UBR4: variants seen among roughly 807,000 people sequenced by gnomAD.
The protein encoded by UBR4 is ubiquitin protein ligase E3 component n-recognin 4, also known as E3 ubiquitin-protein ligase UBR4.
Under a neutral mutation model 575.6 loss-of-function variants are expected in UBR4, and 124 were observed. The ratio of observed to expected loss-of-function variants is 0.22; its 90% CI spans 0.19 to 0.25. The LOEUF (loss-of-function observed/expected upper bound fraction) is 0.25, where lower values mean the gene tolerates loss of function less well. UBR4 is among the 10% of genes least tolerant of loss of function. The probability of loss-of-function intolerance (pLI) is 1.00; values close to 1 mark genes in which losing one functional copy is unlikely to be tolerated. For synonymous variants in UBR4, 2,455 were observed against 2,473.7 expected, an observed-to-expected ratio of 0.99 and a Z score of 0.22; for missense variants, 4,818 against 6,478.8, an observed-to-expected ratio of 0.74 and a Z score of 8.80.
At position 19,184,192 on chromosome 1, in the gene UBR4, C is replaced by A. The variant is rs771526408; in HGVS notation, c.1939-17G>T. On this transcript the variant is annotated splice_polypyrimidine_tract_variant and intron_variant, in intron 15 of 105. Coordinates refer to ENST00000375254, the MANE Select transcript of UBR4 (RefSeq NM_020765.3). Reference sequence around the variant, plus strand: ...ACCTAAGAACTGAAAGGAACACACACAAAAAAGCTCTTATCAGGGTCATAA... The same window carrying A: ...ACCTAAGAACTGAAAGGAACACACAAAAAAAAGCTCTTATCAGGGTCATAA... 2.1e-5 allele frequency: 33 copies of A among 1,607,900 alleles called. No homozygotes were observed. In the South Asian group the frequency reaches 3.1e-4, roughly 15 times the overall value.
In UBR4 at chr1:19,210,252, C is replaced by T. The variant is rs112584987; in HGVS notation, c.-4G>A. 1.5e-3 allele frequency: 2,111 copies of T among 1,449,006 alleles called. 17 individuals are homozygous for T. The highest frequency in any genetic ancestry group is 0.013 in the African/African-American group (894 of 67,482). The allele number at this position is 1,449,006 out of a possible 1,614,324, so 89.8% of individuals were successfully genotyped here. A position where few individuals can be genotyped will look rare whatever the true frequency, so the allele number is the denominator to read the frequency against. ...CTTCGCCGCCGCTCGTCGCCATCTT[C>T]CGTCGTACTACTGCGGCTCCCTCCG... On this transcript the variant is annotated 5_prime_UTR_variant, in exon 1 of 106. Transcript: ENST00000375254.
chr1:19,144,127 C>A, intron 54 of UBR4, 36 bp from the exon 55 acceptor site: 1 of 1,575,028 alleles, frequency 6.3e-7, no homozygotes, highest in African/African-American at 1.3e-5. Context: ...GCTTTGCTCT[C>A]ATATTATTCA....
At position 19,100,323 on chromosome 1, in the gene UBR4, T is replaced by C; in HGVS notation, c.13221+53A>G. The C allele has an allele frequency of 6.2e-7, 1 of 1,604,444 alleles. No individual in the cohort carries two copies. Among genetic ancestry groups the C allele is most frequent in the Non-Finnish European group, 8.5e-7 (1 of 1,172,892 alleles). On this transcript the variant is annotated intron_variant, in intron 89 of 105. Coordinates refer to ENST00000375254, the MANE Select transcript of UBR4 (RefSeq NM_020765.3). This position sits in a 1 kb window ranked among gnomAD's most constrained non-coding sequence, Gnocchi z 4.2. ...AAGAAGCACCTGGATTTGGTTAGCC[T>C]AGGAGGAAGCCCCTAATCGTAAACG... is the stretch of plus-strand genomic sequence containing the variant.
chr1:19,105,042 G>A lies in UBR4; in HGVS notation c.12645+6C>T. 6.2e-7 allele frequency: 1 copy of A among 1,613,314 alleles called. No homozygotes were observed. The highest frequency in any genetic ancestry group is 8.5e-7 in the Non-Finnish European group (1 of 1,179,558). ...AGGGGCTCTCTTGGGCAATAGGGTA[G>A]GATACCTTGGTGATGAGGTTGCCCA... On this transcript the variant is annotated splice_donor_region_variant and intron_variant, in intron 85 of 105. Coordinates refer to ENST00000375254, the MANE Select transcript of UBR4 (RefSeq NM_020765.3).
At chr1:19,103,895 T>G (rs1041183681) in intron 87 of UBR4, among the ~76,000 whole-genome samples, 189 bp downstream of exon 87, 6 of 152,364 alleles carry the variant, frequency 3.9e-5, no homozygotes. Flanking sequence ...CCAAAGTGAC[T>G]GAGCCCAGCT....
chr1:19,198,133 A>G, intron 5 of UBR4, 84 bp from the exon 6 acceptor site: 1 of 1,271,820 alleles, frequency 7.9e-7, no homozygotes, highest in Non-Finnish European at 1.1e-6. Context: ...CTGCACGGAT[A>G]CTCTCCAGAC....
chr1:19,170,367 C>G (rs1472005451), intron 26 of UBR4, among the ~76,000 whole-genome samples: 1 of 152,218 alleles, frequency 6.6e-6, no homozygotes, highest in Non-Finnish European at 1.5e-5. Context: ...CCACTGTACT[C>G]CAGCCTGGGT....
chr1:19,164,723 G>C, intron 32 of UBR4, 76 bp downstream of exon 32: 1 of 1,548,946 alleles, frequency 6.5e-7, no homozygotes, highest in Non-Finnish European at 8.8e-7. Context: ...ACTGGTGCCC[G>C]AAGGAAAGAT....
intron 1 of UBR4, among the ~76,000 whole-genome samples, chr1:19,204,299 C>T (rs1046379363): frequency 6.6e-6 from 1 of 152,138 alleles, no homozygotes; most frequent in African/African-American, 2.4e-5. Flanking sequence ...CCACGCCTGG[C>T]CCCACCCTTA....
intron 102 of UBR4, 72 bp downstream of exon 102, chr1:19,084,432 C>G (rs1212561666): frequency 1.3e-6 from 2 of 1,481,836 alleles, no homozygotes; most frequent in East Asian, 2.3e-5. Context: ...TATGAAAAAG[C>G]TGAGGGGATC....
chr1:19,194,127 T>C (rs1004154172), intron 8 of UBR4, among the ~76,000 whole-genome samples: 2 of 152,184 alleles, frequency 1.3e-5, no homozygotes, highest in African/African-American at 2.4e-5. Context: ...CATGACACTA[T>C]ACATTTGTCA....
At chr1:19,101,872 G>T (rs2078666328) in intron 87 of UBR4, among the ~76,000 whole-genome samples, 2 of 152,180 alleles carry the variant, frequency 1.3e-5, no homozygotes, top group Non-Finnish European at 2.9e-5. Context: ...ACTTCATCAT[G>T]GTTGGCTGTG....
chr1:19,099,755 C>T (rs879107062), intron 89 of UBR4, 78 bp from the exon 90 acceptor site: 13 of 1,274,332 alleles, frequency 1.0e-5, no homozygotes, highest in African/African-American at 3.0e-5. Flanking sequence ...GGGCACCTTA[C>T]GGCAATGGTT....
rs1029281963 is a variant in UBR4, at chr1:19,195,236, G to A, written c.1019-1679C>T. The stretch of plus-strand genomic sequence containing the variant: ...GCCAAGACTGTGCCACTGAACTCCA[G>A]CCTGGGCGACTGAGCGAGACTCCAT... On this transcript the variant is annotated intron_variant, in intron 8 of 105. Coordinates refer to ENST00000375254, the MANE Select transcript of UBR4 (RefSeq NM_020765.3). Among the ~76,000 whole-genome samples, 3 of 149,588 alleles carry A rather than the reference G, an allele frequency of 2.0e-5. No individual in the cohort carries two copies. The Admixed American group carries it at 2.0e-4, about 10-fold the overall frequency.
intron 39 of UBR4, among the ~76,000 whole-genome samples, chr1:19,158,525 T>G (rs962948956): frequency 6.6e-6 from 1 of 152,122 alleles, no homozygotes; most frequent in African/African-American, 2.4e-5. Flanking sequence ...TGATGTGATA[T>G]CAGCTCACTA....
intron 1 of UBR4, among the ~76,000 whole-genome samples, chr1:19,203,443 T>C (rs910528579): frequency 6.6e-6 from 1 of 150,842 alleles, no homozygotes; most frequent in African/African-American, 2.4e-5. Flanking sequence ...GGAATTGCAG[T>C]GAGCTGAGAT....
Position 19,129,087 on chromosome 1 carries a change from G to T in UBR4, c.8907-13C>A. 1 of 1,611,312 alleles carries T rather than the reference G, an allele frequency of 6.2e-7. No individual in the cohort carries two copies. ...GACCATGTGCAGCCTAAAAGGGTGG[G>T]GAAAAGATAGAAAATATGAGCTGTA... On this transcript the variant is annotated splice_polypyrimidine_tract_variant and intron_variant, in intron 60 of 105. Transcript: ENST00000375254.
At chr1:19,112,938 A>T in intron 77 of UBR4, 71 bp from the exon 78 acceptor site, 1 of 1,484,840 alleles carries the variant, frequency 6.7e-7, no homozygotes, top group Non-Finnish European at 9.0e-7. Flanking sequence ...TTAGAAAATT[A>T]GTTTTGCTTT....
rs115995901 is a variant in UBR4 at position 19,181,194 on chromosome 1, T to C, written c.2185-1974A>G. 8.8e-3 allele frequency among the ~76,000 whole-genome samples: 1,339 copies of C among 151,512 alleles called. 19 individuals are homozygous for C. Among genetic ancestry groups the C allele is most frequent in the African/African-American group, 0.031 (1,260 of 41,238 alleles). On this transcript the variant is annotated intron_variant, in intron 17 of 105. Transcript: ENST00000375254. ...AGGAGTTCGAGCAGCCTGGGCGACA[T>C]AGCGAGACCCCATCAGGAAGACGGA...
Sources: allele counts gnomAD v4.1 joint callset (sites outside exome capture counted in the v4.1 genomes callset), GRCh38; gene constraint gnomAD v4.1.1; non-coding constraint Gnocchi (gnomAD v3.1); transcripts MANE v1.5; gene names NCBI Gene and HGNC (gene_info 2026-07-23, HGNC 2026-07-21).